TBC1D9: variants seen among roughly 807,000 people sequenced by gnomAD.
TBC1D9 encodes TBC1 domain family member 9A.
A neutral mutation model predicts 132.0 loss-of-function variants in TBC1D9; 63 were observed. The ratio of observed to expected loss-of-function variants is 0.48; its 90% CI spans 0.39 to 0.59. The LOEUF (loss-of-function observed/expected upper bound fraction) is 0.59. Among genes scored for constraint, TBC1D9 ranks in the 20% least tolerant of loss-of-function variants. The pLI is 0.00. For synonymous variants in TBC1D9, 610 were observed against 609.9 expected, an observed-to-expected ratio of 1.00 and a Z score of 0.00; for missense variants, 1,261 against 1,592.7, an observed-to-expected ratio of 0.79 and a Z score of 3.54.
At chr4:140,739,693 T>C (rs1738729885) in intron 1 of TBC1D9, among the ~76,000 whole-genome samples, 1 of 152,232 alleles carries the variant, frequency 6.6e-6, no homozygotes, top group Non-Finnish European at 1.5e-5. Flanking sequence ...TACCAAAATG[T>C]AGAATTTTCC....
chr4:140,657,057 T>A, intron 13 of TBC1D9, 40 bp downstream of exon 13: 2 of 1,604,778 alleles, frequency 1.2e-6, no homozygotes, highest in Non-Finnish European at 8.5e-7. Context: ...AAGTGTCGAA[T>A]GCATGGTTAA....
intron 13 of TBC1D9, among the ~76,000 whole-genome samples, chr4:140,650,678 G>A (rs189761327): frequency 1.2e-4 from 18 of 152,166 alleles, no homozygotes; most frequent in Non-Finnish European, 7.4e-5. Context: ...GATTACAGGC[G>A]CCCATCACCA....
rs1298687721 is a variant in TBC1D9 at position 140,622,747 on chromosome 4, A to G, written c.3249T>C (p.Ser1083=). 6.2e-7 allele frequency: 1 copy of G among 1,606,912 alleles called. No homozygotes were observed. The highest frequency in any genetic ancestry group is 1.3e-5 in the African/African-American group (1 of 75,050). ...QPAKEGGSGG[S]GPSCHQGIPG... ...GGATGCCCTGGTGGCAGGACGGCCC[A>G]CTGCCTCCGCTCCCGCCCTCCTTTG... Residue 1083 remains serine, a synonymous_variant, in exon 21 of 21, where the codon AGT becomes AGC. Coordinates refer to ENST00000442267, the MANE Select transcript of TBC1D9 (RefSeq NM_015130.3).
At chr4:140,687,507 T>C (rs1737808250) in intron 2 of TBC1D9, among the ~76,000 whole-genome samples, 2 of 151,228 alleles carry the variant, frequency 1.3e-5, no homozygotes, top group Non-Finnish European at 2.9e-5. Context: ...AATTGATTTC[T>C]TTAAAGTGTC....
chr4:140,637,040 G>A (rs1736892090), intron 15 of TBC1D9, among the ~76,000 whole-genome samples: 2 of 152,140 alleles, frequency 1.3e-5, no homozygotes, highest in African/African-American at 4.8e-5. Context: ...ACCAGAGAGC[G>A]CAGCAGTGCC....
At chr4:140,696,325 C>T (rs1349639236) in intron 2 of TBC1D9, among the ~76,000 whole-genome samples, 1 of 151,748 alleles carries the variant, frequency 6.6e-6, no homozygotes. Context: ...GGCGTGGTGG[C>T]AGGTGCCTGT....
chr4:140,714,167 C>T (rs186637560), intron 1 of TBC1D9, among the ~76,000 whole-genome samples: 1 of 152,154 alleles, frequency 6.6e-6, no homozygotes, highest in Non-Finnish European at 1.5e-5. Flanking sequence ...AAAAGATGAG[C>T]CACTTCCCTT....
rs908787186 is a variant in TBC1D9, at chr4:140,656,933, A to C, written c.2337+164T>G. 9.2e-5 allele frequency among the ~76,000 whole-genome samples: 14 copies of C among 152,322 alleles called. No homozygotes were observed. In the South Asian group the frequency reaches 2.9e-3, roughly 32 times the overall value. On this transcript the variant is annotated intron_variant, in intron 13 of 20. Coordinates refer to ENST00000442267, the MANE Select transcript of TBC1D9 (RefSeq NM_015130.3). ...TTGGAAGCAGAAAGGCCAGGACCTA[A>C]CCTGCCAATGCCTTGATTTGGGGCG...
intron 16 of TBC1D9, among the ~76,000 whole-genome samples, chr4:140,631,091 C>T (rs544925283): frequency 2.0e-5 from 3 of 152,192 alleles, no homozygotes; most frequent in Non-Finnish European, 2.9e-5. Flanking sequence ...TCACCTTTTC[C>T]ATTGGTAATG....
chr4:140,663,603 G>A (rs2163321), intron 9 of TBC1D9, among the ~76,000 whole-genome samples: 54,225 of 152,002 alleles, frequency 0.36, 11,298 homozygotes, highest in South Asian at 0.47. Flanking sequence ...GTTTATTGCA[G>A]CATTTTCACA....
At position 140,706,124 on chromosome 4, in the gene TBC1D9, C is replaced by T. The variant is rs1738146765; in HGVS notation, c.131-4510G>A. The stretch of plus-strand genomic sequence containing the variant: ...CACAGTGCTGCAGAGAAACCCCCGT[C>T]AGCCCTCTGCAGGCCGGGCTATGTC... On this transcript the variant is annotated intron_variant, in intron 1 of 20. Coordinates refer to ENST00000442267, the MANE Select transcript of TBC1D9 (RefSeq NM_015130.3). The surrounding 1 kb of genome is among the most constrained non-coding windows in gnomAD (Gnocchi z 4.0). 6.6e-6 allele frequency among the ~76,000 whole-genome samples: 1 copy of T among 152,222 alleles called. No individual in the cohort carries two copies. Among genetic ancestry groups the T allele is most frequent in the Non-Finnish European group, 1.5e-5 (1 of 68,034 alleles).
At chr4:140,724,505 T>C (rs1367081588) in intron 1 of TBC1D9, among the ~76,000 whole-genome samples, 2 of 152,184 alleles carry the variant, frequency 1.3e-5, no homozygotes, top group Non-Finnish European at 2.9e-5. Context: ...TTCAAGATTC[T>C]CTTTGAATTT....
Position 140,622,460 on chromosome 4 carries a change from T to C in TBC1D9, c.3536A>G (p.His1179Arg). ...SAGSHEEDKL[H>R]CEDIGEDTVL... is the part of the protein sequence containing the mutation. ...CGTGTCCTCTCCGATGTCCTCGCAG[T>C]GCAGCTTGTCCTCCTCGTGGGAGCC... is the stretch of plus-strand genomic sequence containing the variant. The change falls in exon 21 of 21, where the codon CAC becomes CGC. Residue 1179 changes from histidine (H) to arginine (R), a missense_variant. By Grantham distance (29) the His-to-Arg change is conservative. Transcript: ENST00000442267. 1 of 1,614,014 alleles carries C rather than the reference T, an allele frequency of 6.2e-7. No homozygotes were observed. The highest frequency in any genetic ancestry group is 8.5e-7 in the Non-Finnish European group (1 of 1,179,892).
chr4:140,643,823 C>T, intron 13 of TBC1D9: 1 of 735,540 alleles, frequency 1.4e-6, no homozygotes, highest in Non-Finnish European at 2.3e-6. Context: ...GCGCCTGGGC[C>T]TCCAACGGGC....
chr4:140,657,061 T>C lies in TBC1D9; in HGVS notation c.2337+36A>G, dbSNP rs372361930. The stretch of plus-strand genomic sequence containing the variant: ...GGCAGCAGTGGAAGTGTCGAATGCA[T>C]GGTTAAGCCCTGCTCAGCCAGGAGA... On this transcript the variant is annotated intron_variant, in intron 13 of 20. Coordinates refer to ENST00000442267, the MANE Select transcript of TBC1D9 (RefSeq NM_015130.3). 6.2e-6 allele frequency: 10 copies of C among 1,605,424 alleles called. No homozygotes were observed. In the African/African-American group the frequency reaches 1.1e-4, roughly 17 times the overall value.
At chr4:140,724,838 T>C (rs531973939) in intron 1 of TBC1D9, among the ~76,000 whole-genome samples, 1 of 152,016 alleles carries the variant, frequency 6.6e-6, no homozygotes, top group East Asian at 1.9e-4. Context: ...TAAAAGAAAA[T>C]GCAAATTAGA....
intron 13 of TBC1D9, chr4:140,643,358 T>C: frequency 1.5e-6 from 2 of 1,315,418 alleles, no homozygotes; most frequent in African/African-American, 1.5e-5. Flanking sequence ...CAGTAGCACC[T>C]GGGGAGGGCA....
intron 1 of TBC1D9, among the ~76,000 whole-genome samples, chr4:140,746,539 G>A (rs1384335431): frequency 2.0e-5 from 3 of 152,080 alleles, no homozygotes; most frequent in African/African-American, 7.2e-5. Flanking sequence ...ATCTGAGAGG[G>A]GGCAATTTAC....
At chr4:140,698,224 T>C (rs1462257504) in intron 2 of TBC1D9, among the ~76,000 whole-genome samples, 1 of 152,184 alleles carries the variant, frequency 6.6e-6, no homozygotes, top group African/African-American at 2.4e-5. Context: ...ACTGGAACAC[T>C]GTCTTCCAGG....
Sources: allele counts gnomAD v4.1 joint callset (sites outside exome capture counted in the v4.1 genomes callset), GRCh38; gene constraint gnomAD v4.1.1; non-coding constraint Gnocchi (gnomAD v3.1); transcripts MANE v1.5; gene names NCBI Gene and HGNC (gene_info 2026-07-23, HGNC 2026-07-21).